OPHN1: variants seen among roughly 807,000 people sequenced by gnomAD.
OPHN1 encodes the protein oligophrenin-1.
OPHN1 carries 11 observed loss-of-function variants against 60.7 expected under a neutral mutation model. That is an observed-to-expected ratio of 0.18 (90% CI 0.11 to 0.30). OPHN1 has a LOEUF of 0.30. Ranked by LOEUF, OPHN1 falls within the 10% of genes least tolerant of loss-of-function variation. The probability of loss-of-function intolerance (pLI) is 1.00; values close to 1 mark genes in which losing one functional copy is unlikely to be tolerated. For synonymous variants in OPHN1, 226 were observed against 222.6 expected (o/e 1.02, Z -0.14); for missense variants, 449 against 611.0 (o/e 0.73, Z 2.80).
chrX:68,425,873 G>A (rs1235485051), intron 2 of OPHN1, among the ~76,000 whole-genome samples: 1 of 80,939 alleles, frequency 1.2e-5, no homozygotes, highest in Non-Finnish European at 2.2e-5. Flanking sequence ...CTGTAGCCCA[G>A]GCTGGAGTGC....
At chrX:68,331,256 A>C (rs2147675906) in intron 2 of OPHN1, among the ~76,000 whole-genome samples, 1 of 106,858 alleles carries the variant, frequency 9.4e-6, no homozygotes, top group East Asian at 2.8e-4. Flanking sequence ...ATTAGTAGAT[A>C]TATGTATTAA....
In OPHN1 at chrX:68,053,957, T is replaced by TTC. The variant is rs2076862786; in HGVS notation, c.2159-148_2159-147insGA. ...ACTAACAACTCTGGCTATTTTTTTTTTTTTTTGTAATTTTTCTGGCAACTG... is the reference window on the plus strand; with the variant it reads ...ACTAACAACTCTGGCTATTTTTTTTTTCTTTTTTGTAATTTTTCTGGCAACTG... On this transcript the variant is annotated intron_variant, in intron 21 of 24. Coordinates refer to ENST00000355520, the MANE Select transcript of OPHN1 (RefSeq NM_002547.3). The TTC allele has an allele frequency of 7.0e-6, 4 of 572,434 alleles. No homozygotes were observed. In the African/African-American group the frequency reaches 9.6e-5, roughly 14 times the overall value. 47.2% of individuals were successfully genotyped at this position (572,434 alleles called of 1,213,427 possible).
intron 19 of OPHN1, among the ~76,000 whole-genome samples, chrX:68,082,367 G>A (rs1351785093): frequency 1.8e-5 from 2 of 112,258 alleles, no homozygotes; most frequent in Non-Finnish European, 3.8e-5. Context: ...ATTCATCAGA[G>A]GAATCACTAT....
intron 20 of OPHN1, among the ~76,000 whole-genome samples, chrX:68,067,910 T>A (rs113601931): frequency 0.014 from 1,536 of 111,732 alleles, 26 homozygotes; most frequent in African/African-American, 0.048. Context: ...ATAAATAAGC[T>A]TTAGGATAAG....
chrX:68,368,893 A>T (rs779080431), intron 2 of OPHN1, among the ~76,000 whole-genome samples: 17 of 111,860 alleles, frequency 1.5e-4, no homozygotes, highest in Non-Finnish European at 1.3e-4. Context: ...AGTAAACCAA[A>T]ATACTACTAA....
At chrX:68,380,943 G>T (rs933626273) in intron 2 of OPHN1, among the ~76,000 whole-genome samples, 1 of 111,516 alleles carries the variant, frequency 9.0e-6, no homozygotes, top group African/African-American at 3.3e-5. Context: ...GCTTAGAGAA[G>T]TGAAGTGACC....
chrX:68,227,613 C>T (rs775831332), intron 6 of OPHN1, among the ~76,000 whole-genome samples: 6 of 111,302 alleles, frequency 5.4e-5, no homozygotes, highest in East Asian at 2.8e-4. Context: ...CACTCAAAAC[C>T]GCTCAACTAC....
chrX:68,051,749 G>A (rs989050346), intron 23 of OPHN1, among the ~76,000 whole-genome samples: 1 of 112,013 alleles, frequency 8.9e-6, no homozygotes, highest in Non-Finnish European at 1.9e-5. Context: ...GATACTGCTT[G>A]GTGTGTGTTC....
chrX:68,234,745 T>C (rs1355683264), intron 5 of OPHN1, among the ~76,000 whole-genome samples, 157 bp from the exon 6 acceptor site: 3 of 112,051 alleles, frequency 2.7e-5, no homozygotes. Flanking sequence ...TTTGTATTGG[T>C]CTCAGCAGTT....
chrX:68,084,863 T>G (rs1308227540), intron 19 of OPHN1, among the ~76,000 whole-genome samples: 3 of 111,783 alleles, frequency 2.7e-5, no homozygotes, highest in African/African-American at 9.8e-5. Context: ...AAAACCACAC[T>G]CTCTTTAAGT....
chrX:68,056,052 T>C (rs1253966312), intron 21 of OPHN1, among the ~76,000 whole-genome samples: 1 of 110,879 alleles, frequency 9.0e-6, no homozygotes, highest in Non-Finnish European at 1.9e-5. Flanking sequence ...TATATACATA[T>C]GTAACAAACC....
At chrX:68,071,342 C>T (rs187785353) in intron 20 of OPHN1, 21 of 734,551 alleles carry the variant, frequency 2.9e-5, no homozygotes, top group Middle Eastern at 3.7e-4. Flanking sequence ...TCTATTTTGG[C>T]GGGCTCACTT....
chrX:68,165,563 G>A (rs2077354309), intron 15 of OPHN1, among the ~76,000 whole-genome samples: 1 of 111,309 alleles, frequency 9.0e-6, no homozygotes, highest in Non-Finnish European at 1.9e-5. Context: ...TAACATCAAA[G>A]ATCAATGATC....
chrX:68,306,566 T>C (rs1207293677), intron 2 of OPHN1, among the ~76,000 whole-genome samples: 1 of 112,149 alleles, frequency 8.9e-6, no homozygotes, highest in Non-Finnish European at 1.9e-5. Context: ...TTCTTATCCA[T>C]AATCTCAAAA....
Position 68,400,822 on chromosome X carries a change from G to A in OPHN1, c.154+32045C>T, listed in dbSNP as rs187176588. Among the ~76,000 whole-genome samples, 250 of 109,809 alleles carry A rather than the reference G, an allele frequency of 2.3e-3. 2 individuals are homozygous for A. The East Asian group carries it at 0.063, about 28-fold the overall frequency. ...TCGCCATGTTGGCCAGGCTGGTCTC[G>A]AACTCCCAACCTCAGATGATTCACC... is the stretch of plus-strand genomic sequence containing the variant. On this transcript the variant is annotated intron_variant, in intron 2 of 24. Transcript: ENST00000355520.
intron 20 of OPHN1, among the ~76,000 whole-genome samples, chrX:68,067,159 T>C (rs1416028831): frequency 8.9e-6 from 1 of 112,182 alleles, no homozygotes; most frequent in South Asian, 3.7e-4. Flanking sequence ...ACAGTACTAA[T>C]ACTGACTGCA....
intron 2 of OPHN1, among the ~76,000 whole-genome samples, chrX:68,344,955 G>C (rs755537658): frequency 1.8e-5 from 2 of 111,508 alleles, no homozygotes; most frequent in Non-Finnish European, 3.8e-5. Context: ...TTAGGTGCCA[G>C]AGACAACATA....
At chrX:68,175,466 AT>A (rs1382995548) in intron 15 of OPHN1, among the ~76,000 whole-genome samples, 1 of 111,564 alleles carries the variant, frequency 9.0e-6, no homozygotes, top group Non-Finnish European at 1.9e-5. Context: ...GGAAAAAAAA[AT>A]CATTGTCTAT....
rs759355922 is a variant in OPHN1 at position 68,197,672 on chromosome X, A to G, written c.1026-408T>C. On this transcript the variant is annotated intron_variant, in intron 11 of 24. Coordinates refer to ENST00000355520, the MANE Select transcript of OPHN1 (RefSeq NM_002547.3). Reference sequence around the variant, plus strand: ...CATCAGAGGCACATTATCTCTCAGTAAAATGGCTTTGCTTCTTCCAGCACC... The same window carrying G: ...CATCAGAGGCACATTATCTCTCAGTGAAATGGCTTTGCTTCTTCCAGCACC... 6.3e-5 allele frequency among the ~76,000 whole-genome samples: 7 copies of G among 111,629 alleles called. No individual in the cohort carries two copies. In the South Asian group the frequency reaches 2.7e-3, roughly 42 times the overall value.
Sources: gnomAD v4.1 joint callset for allele counts (sites outside exome capture counted in the v4.1 genomes callset) on GRCh38, gnomAD v4.1.1 for gene constraint, MANE v1.5 for transcripts, NCBI Gene and HGNC (gene_info 2026-07-23, HGNC 2026-07-21) for gene names.